The following RNF182 variants were observed in gnomAD, a reference collection of about 807,000 sequenced individuals.
RNF182 encodes the protein ring finger protein 182, also known as E3 ubiquitin-protein ligase RNF182.
Under a neutral mutation model 14.4 loss-of-function variants are expected in RNF182, and 15 were observed. That is an observed-to-expected ratio of 1.04 (90% CI 0.70 to 1.60). The LOEUF is 1.60. Among genes scored for constraint, RNF182 ranks in the 40% most tolerant of loss-of-function variants. The probability of loss-of-function intolerance (pLI) is 0.00; values close to 1 mark genes in which losing one functional copy is unlikely to be tolerated. For missense variants in RNF182, 268 were observed against 294.8 expected, an observed-to-expected ratio of 0.91 and a Z score of 0.67; for synonymous variants, 128 against 122.9, an observed-to-expected ratio of 1.04 and a Z score of -0.27.
intron 1 of RNF182, among the ~76,000 whole-genome samples, chr6:13,960,596 G>C (rs1046907158): frequency 1.3e-5 from 2 of 151,854 alleles, no homozygotes; most frequent in African/African-American, 2.4e-5. Context: ...AAGGACAGTT[G>C]GTGATTTTCA....
At chr6:13,930,793 CTT>C (rs901827505) in intron 1 of RNF182, among the ~76,000 whole-genome samples, 2 of 152,178 alleles carry the variant, frequency 1.3e-5, no homozygotes, top group African/African-American at 2.4e-5. Flanking sequence ...CAAGCTGTCT[CTT>C]TTGATTGTCA....
chr6:13,950,445 A>T (rs1469530307), intron 1 of RNF182, among the ~76,000 whole-genome samples: 2 of 151,982 alleles, frequency 1.3e-5, no homozygotes, highest in Non-Finnish European at 2.9e-5. Context: ...AATGTCTAAA[A>T]GTCATGTGAA....
At chr6:13,962,121 G>A (rs901586846) in intron 1 of RNF182, among the ~76,000 whole-genome samples, 3 of 152,102 alleles carry the variant, frequency 2.0e-5, no homozygotes, top group Non-Finnish European at 4.4e-5. Context: ...TGGGACTGAG[G>A]CCAACATATT....
chr6:13,963,583 T>A (rs1352459716), intron 1 of RNF182, among the ~76,000 whole-genome samples: 1 of 152,218 alleles, frequency 6.6e-6, no homozygotes, highest in African/African-American at 2.4e-5. Context: ...TGGTCTCACA[T>A]GACTAGAGTT....
At chr6:13,971,918 C>T (rs1760194913) in intron 1 of RNF182, among the ~76,000 whole-genome samples, 1 of 152,172 alleles carries the variant, frequency 6.6e-6, no homozygotes, top group Admixed American at 6.5e-5. Flanking sequence ...AGCAGCAAAG[C>T]ATTCAAGATG....
In RNF182 at chr6:13,979,823, G is replaced by A. The variant is rs981044151; in HGVS notation, c.*1960G>A. On this transcript the variant is annotated 3_prime_UTR_variant, in exon 3 of 3. Coordinates refer to ENST00000488300, the MANE Select transcript of RNF182 (RefSeq NM_152737.4). ...TGCTTCTCTGTATAATGTCTACAGT[G>A]ATAAACTTGTGTCTCCGTGTATTGT... is the stretch of plus-strand genomic sequence containing the variant. 2.5e-4 allele frequency: 42 copies of A among 166,988 alleles called. No homozygotes were observed. Among genetic ancestry groups the A allele is most frequent in the Non-Finnish European group, 5.6e-4 (38 of 68,092 alleles). The allele number at this position is 166,988 out of a possible 1,614,324, so 10.3% of individuals were successfully genotyped here.
intron 1 of RNF182, among the ~76,000 whole-genome samples, chr6:13,936,738 C>T (rs575467551): frequency 3.3e-5 from 5 of 152,218 alleles, no homozygotes; most frequent in African/African-American, 1.2e-4. Flanking sequence ...GGCATCCAAG[C>T]AAGATTTGGG....
At chr6:13,970,620 G>A (rs753726409) in intron 1 of RNF182, among the ~76,000 whole-genome samples, 2 of 152,006 alleles carry the variant, frequency 1.3e-5, no homozygotes, top group Non-Finnish European at 2.9e-5. Flanking sequence ...AGAATTGCTG[G>A]GTTGTAAGGT....
At chr6:13,945,995 G>A (rs373806544) in intron 1 of RNF182, among the ~76,000 whole-genome samples, 2 of 152,018 alleles carry the variant, frequency 1.3e-5, no homozygotes, top group South Asian at 2.1e-4. Context: ...GGAGAAACAC[G>A]TCTGCCTTAG....
At chr6:13,954,564 T>A (rs975888282) in intron 1 of RNF182, among the ~76,000 whole-genome samples, 32 of 152,232 alleles carry the variant, frequency 2.1e-4, no homozygotes, top group Admixed American at 1.4e-3. Flanking sequence ...TTAAATTAAA[T>A]TAAATTTTTT....
chr6:13,942,917 A>G (rs1001186265), intron 1 of RNF182, among the ~76,000 whole-genome samples: 2 of 152,170 alleles, frequency 1.3e-5, no homozygotes, highest in Non-Finnish European at 2.9e-5. Context: ...AGTATAACTT[A>G]TACGCCATAA....
At chr6:13,959,367 T>C (rs1245550650) in intron 1 of RNF182, among the ~76,000 whole-genome samples, 1 of 152,212 alleles carries the variant, frequency 6.6e-6, no homozygotes, top group East Asian at 1.9e-4. Flanking sequence ...ATACGGTACC[T>C]TGCTGTGTAG....
chr6:13,977,768 A>G lies in RNF182; in HGVS notation c.649A>G (p.Ser217Gly). 6.2e-7 allele frequency: 1 copy of G among 1,614,120 alleles called. No homozygotes were observed. Among genetic ancestry groups the G allele is most frequent in the African/African-American group, 1.3e-5 (1 of 75,014 alleles). Residue 217 changes from serine (S) to glycine (G), a missense_variant, in exon 3 of 3, where the codon AGC becomes GGC. Physicochemically the swap from Ser to Gly is moderately conservative, Grantham distance 56 (BLOSUM62 0). Coordinates refer to ENST00000488300, the MANE Select transcript of RNF182 (RefSeq NM_152737.4). ...KKVTLGVVFV[S>G]LVPSSLVILM... is the part of the protein sequence containing the mutation. Reference sequence around the variant, plus strand: ...AGTCACCCTTGGGGTCGTCTTTGTCAGCCTGGTCCCTTCGAGCCTCGTTAT... The same window carrying G: ...AGTCACCCTTGGGGTCGTCTTTGTCGGCCTGGTCCCTTCGAGCCTCGTTAT...
At chr6:13,966,816 G>A (rs951984446) in intron 1 of RNF182, among the ~76,000 whole-genome samples, 1 of 112,164 alleles carries the variant, frequency 8.9e-6, no homozygotes, top group Non-Finnish European at 1.8e-5. Context: ...ATGCTGTTTT[G>A]TGTGTGTGCG....
At chr6:13,961,357 T>C (rs889941777) in intron 1 of RNF182, 4 of 152,212 alleles carry the variant, frequency 2.6e-5, no homozygotes, top group African/African-American at 9.6e-5. Context: ...CCTAAATGAT[T>C]CCATTGAATC....
chr6:13,943,664 A>G (rs1759356829), intron 1 of RNF182, among the ~76,000 whole-genome samples: 1 of 152,206 alleles, frequency 6.6e-6, no homozygotes, highest in Non-Finnish European at 1.5e-5. Flanking sequence ...TGGCACCTAG[A>G]ACATGGGAAG....
At chr6:13,967,047 A>G (rs932437777) in intron 1 of RNF182, among the ~76,000 whole-genome samples, 1 of 152,026 alleles carries the variant, frequency 6.6e-6, no homozygotes, top group African/African-American at 2.4e-5. Flanking sequence ...CTTGTTTCCT[A>G]GGCTGGTCTC....
chr6:13,943,612 G>T (rs949330584), intron 1 of RNF182, among the ~76,000 whole-genome samples: 1 of 152,122 alleles, frequency 6.6e-6, no homozygotes, highest in African/African-American at 2.4e-5. Flanking sequence ...CAAATTTTTT[G>T]AGGAAGGTGA....
chr6:13,970,726 G>A (rs568388939), intron 1 of RNF182, among the ~76,000 whole-genome samples: 1 of 152,166 alleles, frequency 6.6e-6, no homozygotes, highest in South Asian at 2.1e-4. Context: ...TTATAGTAAT[G>A]CATGAATATT....
Sources: allele counts gnomAD v4.1 joint callset (sites outside exome capture counted in the v4.1 genomes callset), GRCh38; gene constraint gnomAD v4.1.1; transcripts MANE v1.5; gene names NCBI Gene and HGNC (gene_info 2026-07-23, HGNC 2026-07-21).